TPTE: variants seen among roughly 807,000 people sequenced by gnomAD.
The protein encoded by TPTE is transmembrane phosphatase with tensin homology, also known as putative tyrosine-protein phosphatase TPTE.
Under a neutral mutation model 84.1 loss-of-function variants are expected in TPTE, and 59 were observed. The ratio of observed to expected loss-of-function variants is 0.70; its 90% CI spans 0.57 to 0.87. TPTE has a LOEUF of 0.87. Ranked by LOEUF, TPTE falls within the 40% of genes least tolerant of loss-of-function variation. The pLI is 0.00. For synonymous variants in TPTE, 130 were observed against 223.5 expected (o/e 0.58, Z 3.73); for missense variants, 382 against 659.6 (o/e 0.58, Z 4.61).
At chr21:10,579,704 G>C (rs76833481) in intron 17 of TPTE, among the ~76,000 whole-genome samples, 2,673 of 148,148 alleles carry the variant, frequency 0.018, no homozygotes, top group Non-Finnish European at 0.027. Flanking sequence ...ATATTATCTC[G>C]AGTGACAGGA....
In TPTE at chr21:10,605,576, G is replaced by A. The variant is rs1344866226; in HGVS notation, c.*24G>A. On this transcript the variant is annotated 3_prime_UTR_variant, in exon 24 of 24. Coordinates refer to ENST00000618007, the MANE Select transcript of TPTE (RefSeq NM_199261.4). ...AAGTATAGCTCCCCCTTCCCCTTCTGGGAAAGAATTATGTTCTTTCCAACC... is the reference window on the plus strand; with the variant it reads ...AAGTATAGCTCCCCCTTCCCCTTCTAGGAAAGAATTATGTTCTTTCCAACC... 3 of 1,613,814 alleles carry A rather than the reference G, an allele frequency of 1.9e-6. No individual in the cohort carries two copies. The highest frequency in any genetic ancestry group is 2.5e-6 in the Non-Finnish European group (3 of 1,179,782).
At chr21:10,550,870 C>T (rs1424832752) in intron 7 of TPTE, among the ~76,000 whole-genome samples, 2 of 152,310 alleles carry the variant, frequency 1.3e-5, no homozygotes, top group Non-Finnish European at 2.9e-5. Context: ...CAAGTCTCAA[C>T]AAATTTTTAA....
At chr21:10,584,214 A>AT (rs1179918123) in intron 17 of TPTE, among the ~76,000 whole-genome samples, 56 of 152,194 alleles carry the variant, frequency 3.7e-4, no homozygotes, top group East Asian at 2.7e-3. Flanking sequence ...TTATTCTTAG[A>AT]TTTTTTTTGT....
chr21:10,601,243 G>A (rs1978462629), intron 21 of TPTE, among the ~76,000 whole-genome samples: 1 of 152,310 alleles, frequency 6.6e-6, no homozygotes, highest in Non-Finnish European at 1.5e-5. Flanking sequence ...GGTGGCCCAT[G>A]CCTGTAATCC....
intron 23 of TPTE, among the ~76,000 whole-genome samples, 179 bp from the exon 24 acceptor site, chr21:10,605,238 A>G (rs1246408106): frequency 2.6e-5 from 4 of 152,416 alleles, no homozygotes; most frequent in African/African-American, 9.6e-5. Context: ...TGAAGATTAA[A>G]GTATTTTTAT....
intron 15 of TPTE, among the ~76,000 whole-genome samples, chr21:10,578,017 C>T (rs375955794): frequency 7.4e-4 from 112 of 152,140 alleles, no homozygotes; most frequent in Middle Eastern, 3.4e-3. Context: ...TTTCAGGGGG[C>T]AAACATTTTG....
rs1341971902 is a variant in TPTE, at chr21:10,536,897, C to T, written c.-43-1784C>T. Among the ~76,000 whole-genome samples, 24 of 152,414 alleles carry T rather than the reference C, an allele frequency of 1.6e-4. No individual in the cohort carries two copies. In the East Asian group the frequency reaches 3.1e-3, roughly 20 times the overall value. ...AGAAAACCCTATGCAGAGCAACAAGCGAGTAGCAGTGGACAGGGAGCAGCG... is the reference window on the plus strand; with the variant it reads ...AGAAAACCCTATGCAGAGCAACAAGTGAGTAGCAGTGGACAGGGAGCAGCG... On this transcript the variant is annotated intron_variant, in intron 3 of 23. Transcript: ENST00000618007.
intron 22 of TPTE, chr21:10,602,605 C>T (rs1268830393): frequency 1.4e-5 from 7 of 505,364 alleles, no homozygotes; most frequent in Non-Finnish European, 2.4e-5. Context: ...AGCAATCCTC[C>T]CACCTCAGCC....
At chr21:10,530,999 G>A (rs1302980873) in intron 3 of TPTE, among the ~76,000 whole-genome samples, 1 of 152,308 alleles carries the variant, frequency 6.6e-6, no homozygotes, top group African/African-American at 2.4e-5. Context: ...TTCCACTAGT[G>A]TTCCTATCTT....
chr21:10,524,095 C>G (rs566263181), intron 1 of TPTE, among the ~76,000 whole-genome samples: 11 of 152,418 alleles, frequency 7.2e-5, no homozygotes, highest in African/African-American at 2.4e-4. Flanking sequence ...TTGGGGTTGC[C>G]GTGGACACAG....
chr21:10,535,781 TG>T (rs2074255984), intron 3 of TPTE, among the ~76,000 whole-genome samples: 1 of 152,306 alleles, frequency 6.6e-6, no homozygotes, highest in Non-Finnish European at 1.5e-5. Context: ...TCTACCACCA[TG>T]TGAGGCTGGT....
chr21:10,525,926 T>C (rs1368679557), intron 2 of TPTE, among the ~76,000 whole-genome samples: 2 of 152,426 alleles, frequency 1.3e-5, no homozygotes, highest in East Asian at 3.9e-4. Flanking sequence ...GTCACCTGAA[T>C]CTGGAGTAAT....
chr21:10,561,952 C>G (rs2074814042), intron 10 of TPTE, among the ~76,000 whole-genome samples: 1 of 152,310 alleles, frequency 6.6e-6, no homozygotes, highest in Non-Finnish European at 1.5e-5. Context: ...GTGCTGGCCT[C>G]AGGTCTGACC....
chr21:10,546,150 G>A (rs1338964651), intron 7 of TPTE, among the ~76,000 whole-genome samples: 4 of 152,300 alleles, frequency 2.6e-5, no homozygotes, highest in African/African-American at 9.6e-5. Flanking sequence ...TTCTCACTTT[G>A]TGTCTCTTGT....
intron 17 of TPTE, among the ~76,000 whole-genome samples, chr21:10,589,515 G>T (rs1162574106): frequency 2.1e-3 from 319 of 151,704 alleles, no homozygotes; most frequent in African/African-American, 7.3e-3. Flanking sequence ...GGTGCAGCCA[G>T]ATAGGGAAGA....
intron 14 of TPTE, among the ~76,000 whole-genome samples, chr21:10,572,935 C>T (rs1241989885): frequency 1.3e-5 from 2 of 152,244 alleles, no homozygotes; most frequent in African/African-American, 2.4e-5. Context: ...AAAGGATATA[C>T]AAAACAACCA....
chr21:10,536,661 G>GA lies in TPTE; in HGVS notation c.-43-2020_-43-2019insA, dbSNP rs541190492. ...TGTGCTTGCGCTCAGGATCATCTATGGCCATACAGAATGTCTTTTACACTG... is the reference window on the plus strand; with the variant it reads ...TGTGCTTGCGCTCAGGATCATCTATGAGCCATACAGAATGTCTTTTACACTG... On this transcript the variant is annotated intron_variant, in intron 3 of 23. Coordinates refer to ENST00000618007, the MANE Select transcript of TPTE (RefSeq NM_199261.4). Among the ~76,000 whole-genome samples the GA allele has an allele frequency of 2.9e-4, 44 of 152,418 alleles. No homozygotes were observed. In the South Asian group the frequency reaches 8.9e-3, roughly 31 times the overall value.
At chr21:10,530,920 C>T (rs2074166121) in intron 3 of TPTE, among the ~76,000 whole-genome samples, 1 of 152,428 alleles carries the variant, frequency 6.6e-6, no homozygotes, top group African/African-American at 2.4e-5. Flanking sequence ...TGAATTTGAG[C>T]ATCATTTTAT....
At chr21:10,540,934 A>G (rs572141585) in intron 4 of TPTE, among the ~76,000 whole-genome samples, 178 bp from the exon 5 acceptor site, 1 of 152,310 alleles carries the variant, frequency 6.6e-6, no homozygotes, top group Non-Finnish European at 1.5e-5. Context: ...CACTGTTGGC[A>G]TATGAAACCT....
Sources: allele counts gnomAD v4.1 joint callset (sites outside exome capture counted in the v4.1 genomes callset), GRCh38; gene constraint gnomAD v4.1.1; transcripts MANE v1.5; gene names NCBI Gene and HGNC (gene_info 2026-07-23, HGNC 2026-07-21).